Variants in DOCK7 observed in about 807,000 individuals in gnomAD.
DOCK7 encodes dedicator of cytokinesis protein 7.
DOCK7 carries 138 observed loss-of-function variants against 271.0 expected under a neutral mutation model. That is an observed-to-expected ratio of 0.51 (90% CI 0.44 to 0.59). The LOEUF (loss-of-function observed/expected upper bound fraction) is 0.59. Ranked by LOEUF, DOCK7 falls within the 20% of genes least tolerant of loss-of-function variation. The pLI is 0.00. For synonymous variants in DOCK7, 823 were observed against 876.1 expected (o/e 0.94, Z 1.07); for missense variants, 2,066 against 2,592.4 (o/e 0.80, Z 4.41).
chr1:62,547,563 A>G (rs1483597675), intron 22 of DOCK7, among the ~76,000 whole-genome samples: 3 of 152,216 alleles, frequency 2.0e-5, no homozygotes, highest in Admixed American at 6.5e-5. Flanking sequence ...AGTCCTCAGC[A>G]TAGTGCCTAG....
rs191147325 is a variant in DOCK7 at position 62,580,561 on chromosome 1, A to G, written c.1872-1595T>C. ...TCTGTCCTAAAAATCATGTAATGTG[A>G]AGACTTTTGTTGAAAATTAAATATC... On this transcript the variant is annotated intron_variant, in intron 16 of 49. Transcript: ENST00000635253. Among the ~76,000 whole-genome samples, 10 of 152,308 alleles carry G rather than the reference A, an allele frequency of 6.6e-5. No individual in the cohort carries two copies. The East Asian group carries it at 1.9e-3, about 29-fold the overall frequency.
At chr1:62,562,769 G>A (rs1473604954) in intron 18 of DOCK7, among the ~76,000 whole-genome samples, 2 of 152,180 alleles carry the variant, frequency 1.3e-5, no homozygotes, top group East Asian at 3.9e-4. Flanking sequence ...TGGACTGAGT[G>A]CTAGAGAGGA....
chr1:62,620,883 CAA>C (rs767181280), intron 12 of DOCK7, among the ~76,000 whole-genome samples: 5 of 31,138 alleles, frequency 1.6e-4, no homozygotes, highest in Admixed American at 6.7e-4. Flanking sequence ...GACTCCGTCT[CAA>C]AAAAAAAAAA....
intron 48 of DOCK7, among the ~76,000 whole-genome samples, chr1:62,469,327 A>T (rs183583153): frequency 6.6e-6 from 1 of 152,190 alleles, no homozygotes; most frequent in African/African-American, 2.4e-5. Context: ...AGGAAAGGAC[A>T]CCCTATTCAA....
In DOCK7 at chr1:62,509,766, TA is replaced by T. The variant is rs149770488; in HGVS notation, c.4379+810del. 4.7e-3 allele frequency among the ~76,000 whole-genome samples: 709 copies of T among 152,302 alleles called. 17 individuals carry two copies. In the East Asian group the frequency reaches 0.09, roughly 19 times the overall value. On this transcript the variant is annotated intron_variant, in intron 34 of 49. Coordinates refer to ENST00000635253, the MANE Select transcript of DOCK7 (RefSeq NM_001367561.1). The stretch of plus-strand genomic sequence containing the variant: ...ACTTGTTTCCTCTGTTTTATGATTT[TA>T]CTGTCTGTGAGAAAATATTGTGAAA...
chr1:62,586,432 G>T, intron 15 of DOCK7, 75 bp downstream of exon 15: 1 of 1,099,488 alleles, frequency 9.1e-7, no homozygotes, highest in Non-Finnish European at 1.3e-6. Flanking sequence ...GGTTGCAGTT[G>T]CCAACCAAAG....
At chr1:62,676,929 G>A (rs1030216886) in intron 1 of DOCK7, among the ~76,000 whole-genome samples, 1 of 152,142 alleles carries the variant, frequency 6.6e-6, no homozygotes, top group Non-Finnish European at 1.5e-5. Flanking sequence ...AAAAGTTAAG[G>A]GACAGGGAAG....
At chr1:62,474,892 C>T (rs572800826) in intron 47 of DOCK7, among the ~76,000 whole-genome samples, 1 of 152,214 alleles carries the variant, frequency 6.6e-6, no homozygotes, top group South Asian at 2.1e-4. Context: ...ATCCTCACAA[C>T]TTATTGTAAA....
intron 18 of DOCK7, among the ~76,000 whole-genome samples, chr1:62,563,305 C>T (rs767227753): frequency 1.3e-5 from 2 of 152,040 alleles, no homozygotes; most frequent in African/African-American, 2.4e-5. Context: ...GATCTAGAGT[C>T]GCATGGTAAC....
rs1298624206 is a variant in DOCK7 at position 62,584,438 on chromosome 1, A to T, written c.1801-1184T>A. 4.0e-6 allele frequency: 4 copies of T among 1,005,562 alleles called. No homozygotes were observed. The East Asian group carries it at 4.2e-4, about 106-fold the overall frequency. The allele number at this position is 1,005,562 out of a possible 1,614,324, so 62.3% of individuals were successfully genotyped here. ...TAAAAAAGGCAAACACAGTATGTCT[A>T]TGTTTATATACTCTTTCAAATCAGC... is the stretch of plus-strand genomic sequence containing the variant. On this transcript the variant is annotated intron_variant, in intron 15 of 49. Transcript: ENST00000635253.
At chr1:62,570,048 G>T (rs1236041692) in intron 18 of DOCK7, among the ~76,000 whole-genome samples, 1 of 152,012 alleles carries the variant, frequency 6.6e-6, no homozygotes, top group African/African-American at 2.4e-5. Flanking sequence ...AGAAGTTTTG[G>T]CCAGGGCAAT....
chr1:62,538,361 T>G (rs1333520982), intron 27 of DOCK7, among the ~76,000 whole-genome samples: 1 of 151,342 alleles, frequency 6.6e-6, no homozygotes, highest in East Asian at 1.9e-4. Context: ...CAAAAATAAC[T>G]TCTTATTACT....
intron 41 of DOCK7, among the ~76,000 whole-genome samples, chr1:62,491,164 A>G (rs186238964): frequency 2.6e-5 from 4 of 152,380 alleles, no homozygotes; most frequent in African/African-American, 9.6e-5. Flanking sequence ...TAAATGGCAG[A>G]GCCAGGATTT....
rs754603100 is a variant in DOCK7, at chr1:62,618,581, C to A, written c.1682+125G>T. The A allele has an allele frequency of 2.7e-5, 21 of 767,520 alleles. 1 individual carries two copies. The South Asian group carries it at 3.5e-4, about 13-fold the overall frequency. The allele number at this position is 767,520 out of a possible 1,614,324, so 47.5% of individuals were successfully genotyped here. Reference sequence around the variant, plus strand: ...CGTGAAAACTATTAATAAAATTGTGCGGTAAGAGATAGAGTTAAGTAACAA... The same window carrying A: ...CGTGAAAACTATTAATAAAATTGTGAGGTAAGAGATAGAGTTAAGTAACAA... On this transcript the variant is annotated intron_variant, in intron 14 of 49. Coordinates refer to ENST00000635253, the MANE Select transcript of DOCK7 (RefSeq NM_001367561.1).
chr1:62,668,916 C>T (rs1659619668), intron 1 of DOCK7, among the ~76,000 whole-genome samples: 1 of 133,348 alleles, frequency 7.5e-6, no homozygotes, highest in East Asian at 2.0e-4. Flanking sequence ...TAAAGTGAGA[C>T]CTTGCCTCAA....
intron 41 of DOCK7, chr1:62,492,356 A>G (rs1008360417): frequency 2.8e-5 from 6 of 214,232 alleles, no homozygotes; most frequent in Non-Finnish European, 5.5e-5. Context: ...CAGCATAATC[A>G]TGGCTCACTG....
Position 62,492,802 on chromosome 1 carries a change from C to A in DOCK7, c.5263G>T (p.Val1755Leu). 2 of 1,613,876 alleles carry A rather than the reference C, an allele frequency of 1.2e-6. No homozygotes were observed. Among genetic ancestry groups the A allele is most frequent in the African/African-American group, 2.7e-5 (2 of 75,026 alleles). The part of the protein sequence containing the change: ...VLEESAVSDD[V>L]VSPDEEGICS... Reference sequence around the variant, plus strand: ...ATACCTTCTTCATCTGGAGATACCACATCATCTGAGACCGCAGATTCTTCT... The same window carrying A: ...ATACCTTCTTCATCTGGAGATACCAAATCATCTGAGACCGCAGATTCTTCT... The change falls in exon 41 of 50, where the codon GTG becomes TTG. Residue 1755 changes from valine (V) to leucine (L), a missense_variant. This residue lies in a region of DOCK7 where 652 missense variants were observed against 922.1 expected (regional missense o/e 0.71). Coordinates refer to ENST00000635253, the MANE Select transcript of DOCK7 (RefSeq NM_001367561.1).
intron 25 of DOCK7, among the ~76,000 whole-genome samples, chr1:62,540,804 G>A (rs534735070): frequency 6.6e-6 from 1 of 152,168 alleles, no homozygotes; most frequent in East Asian, 1.9e-4. Context: ...TGACTATTTT[G>A]TATTTTAGAA....
chr1:62,632,127 T>C (rs1014621665), intron 10 of DOCK7, among the ~76,000 whole-genome samples: 4 of 152,170 alleles, frequency 2.6e-5, no homozygotes, highest in African/African-American at 9.7e-5. Context: ...AGATGGGATG[T>C]TGAAGTATAC....
Sources: allele counts gnomAD v4.1 joint callset (sites outside exome capture counted in the v4.1 genomes callset), GRCh38; gene constraint gnomAD v4.1.1; regional missense constraint gnomAD v4.1.1; transcripts MANE v1.5; gene names NCBI Gene and HGNC (gene_info 2026-07-23, HGNC 2026-07-21).